C1GALT1: variants seen among roughly 807,000 people sequenced by gnomAD.
C1GALT1 encodes glycoprotein-N-acetylgalactosamine 3-beta-galactosyltransferase 1.
In C1GALT1, 11 loss-of-function variants were observed where a neutral mutation model predicts 31.0. The ratio of observed to expected loss-of-function variants is 0.36; its 90% CI spans 0.22 to 0.59. C1GALT1 has a LOEUF of 0.59. Ranked by LOEUF, C1GALT1 falls within the 20% of genes least tolerant of loss-of-function variation. The pLI, the probability that C1GALT1 is intolerant of heterozygous loss-of-function variation, is 0.79. For synonymous variants in C1GALT1, 175 were observed against 143.6 expected (o/e 1.22, Z -1.56); for missense variants, 424 against 425.2 (o/e 1.00, Z 0.03).
intron 3 of C1GALT1, among the ~76,000 whole-genome samples, chr7:7,240,528 A>G (rs1272064122): frequency 3.3e-5 from 5 of 152,142 alleles, no homozygotes; most frequent in Non-Finnish European, 5.9e-5. Flanking sequence ...TCCTTTTCCC[A>G]TATAAAAAAT....
At chr7:7,190,603 A>G (rs1339870139) in intron 1 of C1GALT1, among the ~76,000 whole-genome samples, 3 of 152,148 alleles carry the variant, frequency 2.0e-5, no homozygotes, top group Admixed American at 6.5e-5. Context: ...TTAAGGTAAT[A>G]TATTTTTATA....
chr7:7,200,928 GC>G (rs1226347948), intron 1 of C1GALT1, among the ~76,000 whole-genome samples: 1 of 152,148 alleles, frequency 6.6e-6, no homozygotes, highest in Admixed American at 6.5e-5. Context: ...TAGCTTCTTT[GC>G]GATGGGTTCG....
Position 7,182,720 on chromosome 7 carries a change from G to A in C1GALT1, c.-118G>A. The A allele has an allele frequency of 1.2e-6, 1 of 827,534 alleles. No homozygotes were observed. Among genetic ancestry groups the A allele is most frequent in the Non-Finnish European group, 1.5e-6 (1 of 685,478 alleles). The allele number at this position is 827,534 out of a possible 1,614,324, so 51.3% of individuals were successfully genotyped here. A position where few individuals can be genotyped will look rare whatever the true frequency, so the allele number is the denominator to read the frequency against. ...GGGCGGCCTCGGCTAGCGGCCACGA[G>A]CCACTTCTGCGGCTGCCCAGAGAAG... On this transcript the variant is annotated 5_prime_UTR_variant, in exon 1 of 4. Coordinates refer to ENST00000436587, the MANE Select transcript of C1GALT1 (RefSeq NM_020156.5).
At position 7,182,676 on chromosome 7, in the gene C1GALT1, G is replaced by A. The variant is rs1047712102; in HGVS notation, c.-162G>A. On this transcript the variant is annotated 5_prime_UTR_variant, in exon 1 of 4. Coordinates refer to ENST00000436587, the MANE Select transcript of C1GALT1 (RefSeq NM_020156.5). The stretch of plus-strand genomic sequence containing the variant: ...CCGCCGCTGTGCTGCCGCTGCCGGG[G>A]AATAATCTGGGCGGCAGCGGGCGGC... The A allele has an allele frequency of 7.0e-5, 32 of 455,908 alleles. No homozygotes were observed. The Admixed American group carries it at 1.2e-3, about 17-fold the overall frequency. 28.2% of individuals were successfully genotyped at this position (455,908 alleles called of 1,614,324 possible). A position where few individuals can be genotyped will look rare whatever the true frequency, so the allele number is the denominator to read the frequency against.
At chr7:7,205,279 T>C (rs1781691886) in intron 1 of C1GALT1, among the ~76,000 whole-genome samples, 1 of 152,226 alleles carries the variant, frequency 6.6e-6, no homozygotes, top group South Asian at 2.1e-4. Context: ...TGCATGTAAC[T>C]TTTGACTTTT....
At chr7:7,241,306 C>T (rs1285827049) in intron 3 of C1GALT1, among the ~76,000 whole-genome samples, 2 of 152,070 alleles carry the variant, frequency 1.3e-5, no homozygotes, top group Non-Finnish European at 2.9e-5. Context: ...AAATGTCCCC[C>T]TTATCATACA....
At chr7:7,228,238 C>G (rs1782891629) in intron 1 of C1GALT1, among the ~76,000 whole-genome samples, 1 of 152,112 alleles carries the variant, frequency 6.6e-6, no homozygotes, top group South Asian at 2.1e-4. Flanking sequence ...CCTTCTAAAT[C>G]CTTTTTTAAC....
intron 1 of C1GALT1, among the ~76,000 whole-genome samples, chr7:7,196,552 G>A (rs1781296732): frequency 6.6e-6 from 1 of 152,210 alleles, no homozygotes; most frequent in Non-Finnish European, 1.5e-5. Flanking sequence ...ATAGCAGCAT[G>A]ATTTGTAATC....
intron 3 of C1GALT1, among the ~76,000 whole-genome samples, chr7:7,242,223 T>A: frequency 6.6e-6 from 1 of 151,798 alleles, no homozygotes. Context: ...TTTTTTTTTT[T>A]TTTTTACATT....
chr7:7,186,988 T>C (rs1780843299), intron 1 of C1GALT1, among the ~76,000 whole-genome samples: 1 of 152,150 alleles, frequency 6.6e-6, no homozygotes, highest in Non-Finnish European at 1.5e-5. Context: ...TTTAAAAGGA[T>C]CATTGTGGCT....
chr7:7,213,212 A>G (rs1013577290), intron 1 of C1GALT1, among the ~76,000 whole-genome samples: 2 of 152,166 alleles, frequency 1.3e-5, no homozygotes, highest in Admixed American at 6.5e-5. Context: ...AAAGTCCTTA[A>G]TATAGCTTGA....
chr7:7,209,086 A>T (rs1781878166), intron 1 of C1GALT1, among the ~76,000 whole-genome samples: 1 of 152,218 alleles, frequency 6.6e-6, no homozygotes. Context: ...TTCGTATCTC[A>T]CAACACATCT....
At chr7:7,163,854 G>A (rs1318173763) in intron 2 of C1GALT1, among the ~76,000 whole-genome samples, 1 of 151,478 alleles carries the variant, frequency 6.6e-6, no homozygotes, top group Non-Finnish European at 1.5e-5. Flanking sequence ...ATGCTCATGG[G>A]TAGGAAGAAT....
rs533396934 is a variant in C1GALT1, at chr7:7,212,445, CA to C, written c.-17-21855del. ...AAAATGGATTCTTACTGCACTAATG[CA>C]AACAACTATATTGCCATAAGTTAAG... On this transcript the variant is annotated intron_variant, in intron 1 of 3. Coordinates refer to ENST00000436587, the MANE Select transcript of C1GALT1 (RefSeq NM_020156.5). Among the ~76,000 whole-genome samples the C allele has an allele frequency of 3.2e-3, 488 of 152,276 alleles. 6 individuals are homozygous for C. Among genetic ancestry groups the C allele is most frequent in the African/African-American group, 0.011 (461 of 41,548 alleles).
chr7:7,160,471 G>A (rs1302282103), intron 2 of C1GALT1, among the ~76,000 whole-genome samples: 1 of 152,124 alleles, frequency 6.6e-6, no homozygotes, highest in Non-Finnish European at 1.5e-5. Context: ...CAGGCGGGAA[G>A]ACAAAATGTT....
intron 2 of C1GALT1, among the ~76,000 whole-genome samples, chr7:7,171,437 G>C (rs533239024): frequency 6.6e-6 from 1 of 151,990 alleles, no homozygotes; most frequent in Non-Finnish European, 1.5e-5. Flanking sequence ...GCTCTCTTTT[G>C]GTTACTATTT....
chr7:7,201,638 C>T (rs1781534943), intron 1 of C1GALT1, among the ~76,000 whole-genome samples: 1 of 152,200 alleles, frequency 6.6e-6, no homozygotes. Flanking sequence ...ACCCAGCTCC[C>T]ACAAAGCCCG....
chr7:7,224,186 A>C (rs1266200522), intron 1 of C1GALT1, among the ~76,000 whole-genome samples: 1 of 152,070 alleles, frequency 6.6e-6, no homozygotes, highest in African/African-American at 2.4e-5. Context: ...ATTAAGTATT[A>C]GTACTTAACA....
chr7:7,199,297 C>G (rs1781436343), intron 1 of C1GALT1, among the ~76,000 whole-genome samples: 1 of 152,124 alleles, frequency 6.6e-6, no homozygotes, highest in African/African-American at 2.4e-5. Flanking sequence ...TGTTATGTAC[C>G]TGATAGTCAT....
Sources: gnomAD v4.1 joint callset for allele counts (sites outside exome capture counted in the v4.1 genomes callset) on GRCh38, gnomAD v4.1.1 for gene constraint, MANE v1.5 for transcripts, NCBI Gene and HGNC (gene_info 2026-07-23, HGNC 2026-07-21) for gene names.